Variants in FGD5 observed in about 807,000 individuals in gnomAD.
The protein encoded by FGD5 is FYVE, RhoGEF and PH domain containing 5, also known as FYVE, RhoGEF and PH domain-containing protein 5.
FGD5 carries 28 observed loss-of-function variants against 133.4 expected under a neutral mutation model. The observed-to-expected ratio is 0.21, with a 90% CI of 0.16 to 0.29. The LOEUF (loss-of-function observed/expected upper bound fraction) is 0.29, where lower values mean the gene tolerates loss of function less well. Among genes scored for constraint, FGD5 ranks in the 10% least tolerant of loss-of-function variants. The pLI is 1.00. For synonymous variants in FGD5, 810 were observed against 776.5 expected, an observed-to-expected ratio of 1.04 and a Z score of -0.72; for missense variants, 1,858 against 1,895.2, an observed-to-expected ratio of 0.98 and a Z score of 0.36.
In FGD5 at chr3:14,910,855, C is replaced by G. The variant is rs549898452; in HGVS notation, c.3337-6C>G. ...TGACCGCCAAGTTCTGCTTCTCTCC[C>G]CACAGGAGTTTCTGAAGGAAGGGAC... On this transcript the variant is annotated splice_region_variant and splice_polypyrimidine_tract_variant and intron_variant, in intron 10 of 19. Coordinates refer to ENST00000285046, the MANE Select transcript of FGD5 (RefSeq NM_152536.4). 3 of 1,612,728 alleles carry G rather than the reference C, an allele frequency of 1.9e-6. No homozygotes were observed. Among genetic ancestry groups the G allele is most frequent in the South Asian group, 2.2e-5 (2 of 90,650 alleles).
chr3:14,820,217 G>T lies in FGD5; in HGVS notation c.1146G>T (p.Leu382=), dbSNP rs763114868. 6.2e-7 allele frequency: 1 copy of T among 1,609,550 alleles called. No individual in the cohort carries two copies. The highest frequency in any genetic ancestry group is 8.5e-7 in the Non-Finnish European group (1 of 1,177,164). The part of the protein sequence containing the change: ...LESEQAPKLG[L]RAEENPMVGA... ...CAGAGCAGGCACCAAAGCTGGGGCT[G>T]CGTGCGGAGGAGAACCCCATGGTGG... Residue 382 remains leucine, a synonymous_variant, in exon 1 of 20, where the codon CTG becomes CTT. Transcript: ENST00000285046.
intron 6 of FGD5, 127 bp downstream of exon 6, chr3:14,898,222 G>T: frequency 8.0e-7 from 1 of 1,252,154 alleles, no homozygotes; most frequent in Non-Finnish European, 1.1e-6. Context: ...GGAAGACCTG[G>T]CCAGAGGGAT....
intron 1 of FGD5, among the ~76,000 whole-genome samples, chr3:14,826,334 G>T (rs1477102595): frequency 6.6e-6 from 1 of 150,508 alleles, no homozygotes; most frequent in African/African-American, 2.5e-5. Flanking sequence ...TCTCCCCACT[G>T]CCCTCATCCA....
intron 1 of FGD5, among the ~76,000 whole-genome samples, chr3:14,844,304 CG>C (rs1559477543): frequency 8.2e-6 from 1 of 122,456 alleles, no homozygotes; most frequent in East Asian, 2.5e-4. Flanking sequence ...CCCTGAGACT[CG>C]GATTCACTGG....
At chr3:14,920,730 G>A (rs1169334480) in intron 13 of FGD5, among the ~76,000 whole-genome samples, 1 of 152,206 alleles carries the variant, frequency 6.6e-6, no homozygotes, top group African/African-American at 2.4e-5. Flanking sequence ...TTAGAGCTGG[G>A]GTTTGCGGCT....
intron 1 of FGD5, among the ~76,000 whole-genome samples, chr3:14,858,400 T>C (rs944365739): frequency 2.6e-5 from 4 of 151,920 alleles, no homozygotes; most frequent in African/African-American, 9.7e-5. Context: ...GATGGATAGA[T>C]AGATGAATAG....
intron 17 of FGD5, among the ~76,000 whole-genome samples, chr3:14,925,354 CTTAAT>C (rs1309832514): frequency 1.3e-5 from 2 of 152,312 alleles, no homozygotes; most frequent in Admixed American, 6.5e-5. Context: ...GTTTTCTCCA[CTTAAT>C]TTGTCTTAGA....
chr3:14,827,926 G>A (rs570808291), intron 1 of FGD5, among the ~76,000 whole-genome samples: 3 of 152,300 alleles, frequency 2.0e-5, no homozygotes, highest in South Asian at 4.1e-4. Context: ...ATTCTGCTCC[G>A]CCAGCCCAGG....
At chr3:14,880,674 A>G in intron 3 of FGD5, 44 bp downstream of exon 3, 1 of 1,614,026 alleles carries the variant, frequency 6.2e-7, no homozygotes, top group African/African-American at 1.3e-5. Flanking sequence ...CTTATAAACA[A>G]AACGTCACCC....
At chr3:14,899,786 G>C (rs1365314345) in intron 7 of FGD5, among the ~76,000 whole-genome samples, 2 of 152,222 alleles carry the variant, frequency 1.3e-5, no homozygotes, top group Non-Finnish European at 2.9e-5. Flanking sequence ...AGGAGACAGA[G>C]GGAACAGGGC....
chr3:14,810,743 G>A (rs1194927718), upstream of FGD5: 46 of 935,180 alleles, frequency 4.9e-5, no homozygotes, highest in Non-Finnish European at 5.6e-5. Flanking sequence ...CGGGCGCCAG[G>A]GGGTGCGGGC....
intron 1 of FGD5, among the ~76,000 whole-genome samples, chr3:14,825,908 A>G (rs2036589500): frequency 6.6e-6 from 1 of 152,224 alleles, no homozygotes; most frequent in Non-Finnish European, 1.5e-5. Flanking sequence ...GGTGATTTTG[A>G]GCTTCACAAG....
intron 7 of FGD5, 51 bp downstream of exon 7, chr3:14,898,877 C>A: frequency 1.3e-6 from 2 of 1,508,050 alleles, no homozygotes; most frequent in Non-Finnish European, 1.8e-6. Context: ...GCAGGGAAGG[C>A]CCCTGAGGAG....
At chr3:14,837,204 G>C (rs2036832449) in intron 1 of FGD5, among the ~76,000 whole-genome samples, 1 of 152,220 alleles carries the variant, frequency 6.6e-6, no homozygotes, top group Non-Finnish European at 1.5e-5. Context: ...TTATTGGCGT[G>C]TCCCTGACTC....
intron 17 of FGD5, among the ~76,000 whole-genome samples, chr3:14,924,977 G>A (rs1373322829): frequency 6.6e-6 from 1 of 151,714 alleles, no homozygotes; most frequent in East Asian, 1.9e-4. Flanking sequence ...TCATGCAGCT[G>A]TAGTCCCAGC....
chr3:14,810,843 C>T (rs2036280913), upstream of FGD5: 2 of 985,026 alleles, frequency 2.0e-6, no homozygotes, highest in Non-Finnish European at 2.4e-6. Context: ...CCGGGCCCCG[C>T]GCGCTGAAGA....
chr3:14,922,154 C>A lies in FGD5; in HGVS notation c.3669+137C>A. On this transcript the variant is annotated intron_variant, in intron 14 of 19. Coordinates refer to ENST00000285046, the MANE Select transcript of FGD5 (RefSeq NM_152536.4). This position sits in a 1 kb window ranked among gnomAD's most constrained non-coding sequence, Gnocchi z 4.1. ...GGCACTGGCTCCCCCCACACCCCTG[C>A]CATGCTCCCACCCTAGTCAGGGGCG... 1 of 1,040,248 alleles carries A rather than the reference C, an allele frequency of 9.6e-7. No individual in the cohort carries two copies. 64.4% of individuals were successfully genotyped at this position (1,040,248 alleles called of 1,614,324 possible).
chr3:14,855,000 C>G (rs190461779), intron 1 of FGD5, among the ~76,000 whole-genome samples: 8 of 152,310 alleles, frequency 5.3e-5, no homozygotes, highest in Admixed American at 5.2e-4. Flanking sequence ...ACAGATCTCT[C>G]CCTATCCTCA....
chr3:14,829,882 AAG>A (rs1230997907), intron 1 of FGD5, among the ~76,000 whole-genome samples: 1 of 152,218 alleles, frequency 6.6e-6, no homozygotes, highest in Non-Finnish European at 1.5e-5. Flanking sequence ...GTGATTCTCT[AAG>A]AGAGTGAAAC....
Sources: gnomAD v4.1 joint callset for allele counts (sites outside exome capture counted in the v4.1 genomes callset) on GRCh38, gnomAD v4.1.1 for gene constraint, Gnocchi (gnomAD v3.1) non-coding constraint, MANE v1.5 for transcripts, NCBI Gene and HGNC (gene_info 2026-07-23, HGNC 2026-07-21) for gene names.